The following WDR27 variants were observed in gnomAD, a reference collection of about 807,000 sequenced individuals.
WDR27 encodes the protein WD repeat domain 27.
Under a neutral mutation model 114.4 loss-of-function variants are expected in WDR27, and 100 were observed. That is an observed-to-expected ratio of 0.87 (90% CI 0.74 to 1.03). The LOEUF (loss-of-function observed/expected upper bound fraction) is 1.03. Ranked by LOEUF, WDR27 falls within the 50% of genes least tolerant of loss-of-function variation. The pLI is 0.00. For synonymous variants in WDR27, 449 were observed against 423.1 expected (o/e 1.06, Z -0.75); for missense variants, 1,129 against 1,092.9 (o/e 1.03, Z -0.47).
At chr6:169,594,698 C>G (rs1033458) in intron 23 of WDR27, among the ~76,000 whole-genome samples, 1 of 151,964 alleles carries the variant, frequency 6.6e-6, no homozygotes, top group African/African-American at 2.4e-5. Context: ...GTGTTTTGTG[C>G]GATACTAAAA....
chr6:169,598,453 C>T (rs770322422), intron 23 of WDR27, among the ~76,000 whole-genome samples: 6 of 152,210 alleles, frequency 3.9e-5, no homozygotes, highest in Non-Finnish European at 8.8e-5. Flanking sequence ...GTAAGGACCC[C>T]ACTCCCATGG....
intron 13 of WDR27, among the ~76,000 whole-genome samples, chr6:169,654,864 G>T (rs1823674274): frequency 6.6e-6 from 1 of 152,332 alleles, no homozygotes; most frequent in Admixed American, 6.5e-5. Context: ...GCCCCGTTCA[G>T]AAGGAAGCGC....
chr6:169,448,103 A>G, the WDR27 span, among the ~76,000 whole-genome samples: 2 of 152,108 alleles, frequency 1.3e-5, no homozygotes, highest in Admixed American at 1.3e-4. Flanking sequence ...TAATATACTA[A>G]TATTTTACAT....
intron 25 of WDR27, among the ~76,000 whole-genome samples, chr6:169,555,136 G>C (rs547385553): frequency 6.6e-6 from 1 of 152,126 alleles, no homozygotes; most frequent in Non-Finnish European, 1.5e-5. Flanking sequence ...TGGCACACAG[G>C]ATATATAAGT....
chr6:169,478,950 T>C (rs1449643365), intron 25 of WDR27, among the ~76,000 whole-genome samples: 2 of 152,164 alleles, frequency 1.3e-5, no homozygotes, highest in Admixed American at 6.5e-5. Context: ...TGTAAACTAT[T>C]AAAATCCTGA....
At chr6:169,474,066 C>G (rs1029436130) in intron 25 of WDR27, among the ~76,000 whole-genome samples, 62 of 152,306 alleles carry the variant, frequency 4.1e-4, no homozygotes, top group African/African-American at 1.4e-3. Context: ...AAATCCTTTC[C>G]TAAAATAAAT....
At chr6:169,443,953 G>A in the WDR27 span, among the ~76,000 whole-genome samples, 1 of 152,146 alleles carries the variant, frequency 6.6e-6, no homozygotes, top group African/African-American at 2.4e-5. Context: ...TTTATAAAAG[G>A]AAGATGGCGG....
chr6:169,598,783 CT>C (rs1807347053), intron 23 of WDR27, among the ~76,000 whole-genome samples: 1 of 152,176 alleles, frequency 6.6e-6, no homozygotes, highest in African/African-American at 2.4e-5. Flanking sequence ...GCCAGCCCTG[CT>C]GATGCTTTCA....
At chr6:169,512,114 A>G (rs1789038605) in intron 25 of WDR27, among the ~76,000 whole-genome samples, 1 of 152,190 alleles carries the variant, frequency 6.6e-6, no homozygotes, top group South Asian at 2.1e-4. Flanking sequence ...TCAAATAGAA[A>G]AGAGAAGTCA....
intron 24 of WDR27, among the ~76,000 whole-genome samples, chr6:169,576,413 C>G (rs190821377): frequency 6.6e-6 from 1 of 152,162 alleles, no homozygotes; most frequent in Non-Finnish European, 1.5e-5. Context: ...CTCTGGTATT[C>G]GGGAAATTCT....
intron 24 of WDR27, 25 bp downstream of exon 24, chr6:169,582,811 C>T: frequency 5.0e-6 from 8 of 1,585,732 alleles, no homozygotes; most frequent in Non-Finnish European, 6.9e-6. Flanking sequence ...AGCAGAGGCG[C>T]CCCACCCACT....
chr6:169,654,723 A>G (rs529850726), intron 13 of WDR27, among the ~76,000 whole-genome samples: 1 of 149,994 alleles, frequency 6.7e-6, no homozygotes, highest in Non-Finnish European at 1.5e-5. Context: ...CAGGAGAAGG[A>G]GGCGCGCACA....
intron 21 of WDR27, among the ~76,000 whole-genome samples, chr6:169,615,062 A>T (rs1276552782): frequency 6.6e-6 from 1 of 152,236 alleles, no homozygotes; most frequent in Non-Finnish European, 1.5e-5. Flanking sequence ...ATAAAAAAAC[A>T]AAGAAAATTC....
chr6:169,437,148 T>A, the WDR27 span, among the ~76,000 whole-genome samples: 2 of 152,118 alleles, frequency 1.3e-5, no homozygotes, highest in Admixed American at 6.5e-5. Flanking sequence ...AAAGGGAAAT[T>A]ATAGAACAAA....
chr6:169,532,468 A>T (rs190655801), intron 25 of WDR27, among the ~76,000 whole-genome samples: 90 of 151,910 alleles, frequency 5.9e-4, no homozygotes, highest in African/African-American at 1.9e-3. Flanking sequence ...TGAGTAGAAA[A>T]TTTTTTTTTA....
chr6:169,486,341 A>G (rs538466863), intron 25 of WDR27, among the ~76,000 whole-genome samples: 15 of 152,288 alleles, frequency 9.8e-5, no homozygotes, highest in Middle Eastern at 3.4e-3. Context: ...TATTAAGTAT[A>G]TACCCAGTGT....
At chr6:169,591,103 G>A (rs1805670944) in intron 23 of WDR27, among the ~76,000 whole-genome samples, 1 of 152,172 alleles carries the variant, frequency 6.6e-6, no homozygotes, top group Non-Finnish European at 1.5e-5. Context: ...CCCACCGACT[G>A]TGCGGGAGCT....
chr6:169,467,350 C>A (rs1241680499), intron 25 of WDR27, among the ~76,000 whole-genome samples: 1 of 152,196 alleles, frequency 6.6e-6, no homozygotes, highest in African/African-American at 2.4e-5. Flanking sequence ...TGTAGGGGCT[C>A]CAAACCCACA....
chr6:169,494,564 A>T (rs1244497986), intron 25 of WDR27, among the ~76,000 whole-genome samples: 1 of 152,162 alleles, frequency 6.6e-6, no homozygotes, highest in Non-Finnish European at 1.5e-5. Context: ...TAATCTTAAC[A>T]GGTCACCATT....
Sources: allele counts gnomAD v4.1 joint callset (sites outside exome capture counted in the v4.1 genomes callset), GRCh38; gene constraint gnomAD v4.1.1; transcripts MANE v1.5; gene names NCBI Gene and HGNC (gene_info 2026-07-23, HGNC 2026-07-21).